SYNPO2: variants seen among roughly 807,000 people sequenced by gnomAD.
SYNPO2 encodes the protein synaptopodin-2.
A neutral mutation model predicts 85.0 loss-of-function variants in SYNPO2; 56 were observed. The ratio of observed to expected loss-of-function variants is 0.66; its 90% CI spans 0.53 to 0.82. The LOEUF (loss-of-function observed/expected upper bound fraction) is 0.82. Among genes scored for constraint, SYNPO2 ranks in the 40% least tolerant of loss-of-function variants. The probability of loss-of-function intolerance (pLI) is 0.00; values close to 1 mark genes in which losing one functional copy is unlikely to be tolerated. For missense variants in SYNPO2, 1,575 were observed against 1,534.2 expected (o/e 1.03, Z -0.44); for synonymous variants, 602 against 591.1 (o/e 1.02, Z -0.27).
chr4:118,885,023 A>T (rs1732173562), upstream of SYNPO2, among the ~76,000 whole-genome samples: 1 of 152,204 alleles, frequency 6.6e-6, no homozygotes, highest in South Asian at 2.1e-4. Context: ...AGGCCGGAGG[A>T]TGAGGAGAAA....
At chr4:119,007,308 G>T (rs1459052) in intron 1 of SYNPO2, among the ~76,000 whole-genome samples, 1 of 101,478 alleles carries the variant, frequency 9.9e-6, no homozygotes. Flanking sequence ...GTATATACAC[G>T]CACATATAGG....
intron 1 of SYNPO2, among the ~76,000 whole-genome samples, chr4:118,959,834 G>A (rs1440510817): frequency 9.1e-6 from 1 of 110,416 alleles, no homozygotes; most frequent in East Asian, 3.0e-4. Flanking sequence ...CCTCGGTGTA[G>A]TACATTGACT....
intron 1 of SYNPO2, among the ~76,000 whole-genome samples, chr4:118,910,568 G>T (rs1157723568): frequency 7.9e-5 from 12 of 151,932 alleles, no homozygotes. Context: ...AGATAGACAG[G>T]GAAAATCAGT....
chr4:119,032,564 C>G, intron 4 of SYNPO2: 1 of 996,010 alleles, frequency 1.0e-6, no homozygotes, highest in Non-Finnish European at 1.2e-6. Flanking sequence ...ATCTCAGCCA[C>G]CTGTTTGATA....
intron 1 of SYNPO2, among the ~76,000 whole-genome samples, chr4:118,996,382 T>C (rs1472872953): frequency 6.6e-6 from 1 of 152,200 alleles, no homozygotes; most frequent in Non-Finnish European, 1.5e-5. Context: ...TGAATACTTT[T>C]ATTACCTTTG....
chr4:118,997,363 C>A (rs1381964106), intron 1 of SYNPO2, among the ~76,000 whole-genome samples: 1 of 152,084 alleles, frequency 6.6e-6, no homozygotes, highest in Non-Finnish European at 1.5e-5. Flanking sequence ...CCAGCTGACT[C>A]TCAAATATGC....
intron 1 of SYNPO2, among the ~76,000 whole-genome samples, chr4:119,010,908 A>AAG (rs1476660638): frequency 6.6e-6 from 1 of 152,304 alleles, no homozygotes; most frequent in South Asian, 2.1e-4. Context: ...TGGCTGAGTG[A>AAG]AGAGAGAGAG....
chr4:118,933,972 G>A (rs1052194987), intron 1 of SYNPO2, among the ~76,000 whole-genome samples: 5 of 151,690 alleles, frequency 3.3e-5, no homozygotes, highest in Non-Finnish European at 7.4e-5. Flanking sequence ...AGTTAACATG[G>A]TTTATTCTGA....
At chr4:119,050,532 T>C (rs1325799718) in intron 4 of SYNPO2, among the ~76,000 whole-genome samples, 1 of 152,172 alleles carries the variant, frequency 6.6e-6, no homozygotes, top group African/African-American at 2.4e-5. Flanking sequence ...ATAGTGCCTC[T>C]ACTTCACGGG....
At chr4:119,001,749 C>A (rs2149173412) in intron 1 of SYNPO2, among the ~76,000 whole-genome samples, 1 of 152,124 alleles carries the variant, frequency 6.6e-6, no homozygotes, top group East Asian at 1.9e-4. Context: ...AAAACATATT[C>A]TTTTTACCTT....
chr4:119,058,003 A>G lies in SYNPO2; in HGVS notation c.*69A>G, dbSNP rs1363299169. 2 of 1,491,280 alleles carry G rather than the reference A, an allele frequency of 1.3e-6. No homozygotes were observed. Among genetic ancestry groups the G allele is most frequent in the African/African-American group, 1.4e-5 (1 of 70,954 alleles). The allele number at this position is 1,491,280 out of a possible 1,614,324, so 92.4% of individuals were successfully genotyped here. On this transcript the variant is annotated 3_prime_UTR_variant, in exon 5 of 5. Coordinates refer to ENST00000307142, the MANE Select transcript of SYNPO2 (RefSeq NM_133477.3). The stretch of plus-strand genomic sequence containing the variant: ...AAAACGCTCCTTTGTAGGGTTTTAA[A>G]CTTTTCTAATAGATTTAGATTCACT...
intron 1 of SYNPO2, among the ~76,000 whole-genome samples, chr4:118,907,219 A>G (rs1376128894): frequency 1.3e-5 from 2 of 152,178 alleles, no homozygotes; most frequent in Middle Eastern, 3.2e-3. Context: ...TTTTTAAAAA[A>G]CGTCATTAAC....
chr4:119,008,163 C>T (rs751573113), intron 1 of SYNPO2, among the ~76,000 whole-genome samples: 10 of 152,268 alleles, frequency 6.6e-5, no homozygotes, highest in East Asian at 3.9e-4. Context: ...TTAATACTTA[C>T]TTGTTGGATT....
intron 1 of SYNPO2, among the ~76,000 whole-genome samples, chr4:118,967,860 CAAAAA>C (rs34878457): frequency 0.016 from 2,384 of 145,258 alleles, 21 homozygotes; most frequent in Middle Eastern, 0.021. Flanking sequence ...ATCTTTATAC[CAAAAA>C]AAAAAAAAAA....
At chr4:118,927,776 T>TGATAGATAGATAGATA (rs70944822) in intron 1 of SYNPO2, among the ~76,000 whole-genome samples, 15,410 of 101,740 alleles carry the variant, frequency 0.15, 1,711 homozygotes, top group East Asian at 0.27. Context: ...GATAGATAGA[T>TGATAGATAGATAGATA]GATAGATAGA....
intron 1 of SYNPO2, among the ~76,000 whole-genome samples, chr4:118,974,807 AATGTTG>A (rs1735662533): frequency 2.0e-5 from 3 of 152,084 alleles, no homozygotes; most frequent in African/African-American, 7.2e-5. Flanking sequence ...GTTTGCTTCA[AATGTTG>A]TCTCTTACCT....
intron 1 of SYNPO2, among the ~76,000 whole-genome samples, chr4:118,879,650 A>C (rs969942842): frequency 6.6e-6 from 1 of 152,176 alleles, no homozygotes; most frequent in African/African-American, 2.4e-5. Flanking sequence ...CCAGCGTATG[A>C]TACTGTGTTA....
At chr4:118,955,141 A>G (rs1445844064) in intron 1 of SYNPO2, among the ~76,000 whole-genome samples, 1 of 151,956 alleles carries the variant, frequency 6.6e-6, no homozygotes, top group East Asian at 1.9e-4. Flanking sequence ...CTGGGATTAC[A>G]AGCACTCACC....
intron 1 of SYNPO2, among the ~76,000 whole-genome samples, chr4:118,960,156 C>T (rs576269034): frequency 5.9e-4 from 90 of 152,232 alleles, no homozygotes; most frequent in African/African-American, 2.1e-3. Flanking sequence ...CAGAGGGATG[C>T]GGCCCTGCTG....
Sources: gnomAD v4.1 joint callset for allele counts (sites outside exome capture counted in the v4.1 genomes callset) on GRCh38, gnomAD v4.1.1 for gene constraint, MANE v1.5 for transcripts, NCBI Gene and HGNC (gene_info 2026-07-23, HGNC 2026-07-21) for gene names.